The following CFAP95 variants were observed in gnomAD, a reference collection of about 807,000 sequenced individuals.
CFAP95 encodes cilia- and flagella-associated protein 95.
chr9:69,858,073 C>A, the CFAP95 span: 1 of 1,093,910 alleles, frequency 9.1e-7, no homozygotes, highest in South Asian at 1.3e-5. Flanking sequence ...GAGCCAAGGT[C>A]AACAAAATGC....
the CFAP95 span, among the ~76,000 whole-genome samples, chr9:69,847,427 T>C: frequency 6.6e-6 from 1 of 152,210 alleles, no homozygotes; most frequent in African/African-American, 2.4e-5. Context: ...TCTATTGTTC[T>C]TCTCTGGCTC....
At chr9:69,871,580 A>T in the CFAP95 span, among the ~76,000 whole-genome samples, 1 of 152,042 alleles carries the variant, frequency 6.6e-6, no homozygotes, top group South Asian at 2.1e-4. Flanking sequence ...CTAGTAAAAA[A>T]AAAAAAAAGA....
the CFAP95 span, among the ~76,000 whole-genome samples, chr9:69,882,436 A>C: frequency 6.6e-6 from 1 of 151,974 alleles, no homozygotes; most frequent in African/African-American, 2.4e-5. Flanking sequence ...GATGCCCTTT[A>C]TTTCTTTTTT....
the CFAP95 span, among the ~76,000 whole-genome samples, chr9:69,873,730 C>T: frequency 4.6e-5 from 7 of 152,274 alleles, no homozygotes; most frequent in South Asian, 6.2e-4. Context: ...GTTCTGGCTG[C>T]CAGGAAGCTG....
the CFAP95 span, chr9:69,905,996 T>C: frequency 1.9e-6 from 3 of 1,611,902 alleles, no homozygotes; most frequent in Admixed American, 1.7e-5. Flanking sequence ...CCACAGAAAA[T>C]GCCGTTCTCA....
At chr9:69,823,998 G>C in the CFAP95 span, among the ~76,000 whole-genome samples, 21 of 152,166 alleles carry the variant, frequency 1.4e-4, no homozygotes, top group Non-Finnish European at 2.4e-4. Flanking sequence ...GGTCACCGGC[G>C]ATATGATGGC....
chr9:69,846,859 C>G, the CFAP95 span, among the ~76,000 whole-genome samples: 2 of 152,194 alleles, frequency 1.3e-5, no homozygotes, highest in Admixed American at 6.5e-5. Context: ...TGCTAAGAGA[C>G]TAAATTAGAT....
chr9:69,882,369 A>G, the CFAP95 span, among the ~76,000 whole-genome samples: 46 of 152,336 alleles, frequency 3.0e-4, no homozygotes, highest in Non-Finnish European at 4.1e-4. Flanking sequence ...GATTTTCTAA[A>G]TATAAGATCA....
the CFAP95 span, among the ~76,000 whole-genome samples, chr9:69,895,750 C>T: frequency 9.9e-5 from 15 of 151,994 alleles, no homozygotes; most frequent in East Asian, 2.7e-3. Flanking sequence ...AGAGAGATAC[C>T]CTATTTCTCC....
At chr9:69,830,288 G>T in the CFAP95 span, among the ~76,000 whole-genome samples, 1 of 152,174 alleles carries the variant, frequency 6.6e-6, no homozygotes, top group African/African-American at 2.4e-5. Flanking sequence ...GCTAGGCAAG[G>T]GCAAATGGAA....
chr9:69,892,006 A>C, the CFAP95 span, among the ~76,000 whole-genome samples: 1 of 152,212 alleles, frequency 6.6e-6, no homozygotes, highest in African/African-American at 2.4e-5. Flanking sequence ...TATTATCAGC[A>C]TCATTTCTGG....
At chr9:69,856,942 G>A in the CFAP95 span, among the ~76,000 whole-genome samples, 1 of 110,398 alleles carries the variant, frequency 9.1e-6, no homozygotes, top group African/African-American at 3.3e-5. Flanking sequence ...TTTTTTTCTG[G>A]CCCAAGGTTC....
the CFAP95 span, among the ~76,000 whole-genome samples, chr9:69,861,724 A>G: frequency 9.4e-6 from 1 of 106,222 alleles, no homozygotes; most frequent in East Asian, 2.6e-4. Flanking sequence ...CCATATTCTT[A>G]TGAGTCAAAA....
chr9:69,855,826 AAACAACAAC>A, the CFAP95 span, among the ~76,000 whole-genome samples: 13 of 152,250 alleles, frequency 8.5e-5, no homozygotes, highest in East Asian at 2.5e-3. Context: ...TCTCTTTAAA[AAACAACAAC>A]AACAACAACA....
At chr9:69,859,984 A>C in the CFAP95 span, among the ~76,000 whole-genome samples, 1 of 152,232 alleles carries the variant, frequency 6.6e-6, no homozygotes, top group Admixed American at 6.5e-5. Context: ...CATGCCATGC[A>C]TGTACCCTGC....
At chr9:69,893,141 TGG>T in the CFAP95 span, among the ~76,000 whole-genome samples, 1 of 152,296 alleles carries the variant, frequency 6.6e-6, no homozygotes, top group South Asian at 2.1e-4. Context: ...CTGGGGGTCA[TGG>T]GCAACCCCTA....
At chr9:69,873,563 G>A in the CFAP95 span, among the ~76,000 whole-genome samples, 3 of 152,152 alleles carry the variant, frequency 2.0e-5, no homozygotes, top group Admixed American at 1.3e-4. Flanking sequence ...TCCGTGACCC[G>A]CTGTGGCTAT....
At chr9:69,861,131 C>G in the CFAP95 span, among the ~76,000 whole-genome samples, 3 of 152,148 alleles carry the variant, frequency 2.0e-5, no homozygotes, top group Non-Finnish European at 4.4e-5. Context: ...GCACAGTAGT[C>G]TTGTTGACAC....
At chr9:69,871,282 A>C in the CFAP95 span, among the ~76,000 whole-genome samples, 1 of 152,146 alleles carries the variant, frequency 6.6e-6, no homozygotes, top group Non-Finnish European at 1.5e-5. Context: ...GGAGGCATGC[A>C]TGGTTCATCA....
Sources: allele counts gnomAD v4.1 joint callset (sites outside exome capture counted in the v4.1 genomes callset), GRCh38; gene constraint gnomAD v4.1.1; transcripts MANE v1.5; gene names NCBI Gene and HGNC (gene_info 2026-07-23, HGNC 2026-07-21).